VWA3A: variants seen among roughly 807,000 people sequenced by gnomAD.
VWA3A encodes the protein von Willebrand factor A domain containing 3A.
A neutral mutation model predicts 160.4 loss-of-function variants in VWA3A; 134 were observed. That is an observed-to-expected ratio of 0.84 (90% confidence interval 0.73 to 0.96). The LOEUF is 0.96. Ranked by LOEUF, VWA3A falls within the 40% of genes least tolerant of loss-of-function variation. The probability of loss-of-function intolerance (pLI) is 0.00; values close to 1 mark genes in which losing one functional copy is unlikely to be tolerated. For synonymous variants in VWA3A, 476 were observed against 543.4 expected, an observed-to-expected ratio of 0.88 and a Z score of 1.72; for missense variants, 1,310 against 1,447.9, an observed-to-expected ratio of 0.90 and a Z score of 1.55.
intron 27 of VWA3A, chr16:22,147,696 T>C: frequency 1.4e-6 from 1 of 701,602 alleles, no homozygotes; most frequent in Non-Finnish European, 2.6e-6. Flanking sequence ...TGAGCCTCTC[T>C]CCACCCTCGG....
At chr16:22,120,340 A>G (rs2045711045) in intron 12 of VWA3A, among the ~76,000 whole-genome samples, 1 of 152,218 alleles carries the variant, frequency 6.6e-6, no homozygotes, top group Admixed American at 6.5e-5. Flanking sequence ...GTATCTATTT[A>G]AAACTAGCTC....
At position 22,149,883 on chromosome 16, in the gene VWA3A, G is replaced by C; in HGVS notation, c.3081G>C (p.Val1027=). ...DAACHEAMQW[V]THLQAQGSTS... is the part of the protein sequence containing the mutation. Reference sequence around the variant, plus strand: ...CGTGTCATGAGGCTATGCAATGGGTGACCCACCTGCAAGCTCAGGGCAGCA... The same window carrying C: ...CGTGTCATGAGGCTATGCAATGGGTCACCCACCTGCAAGCTCAGGGCAGCA... The change falls in exon 29 of 34, where the codon GTG becomes GTC. Residue 1027 remains valine, a synonymous_variant. Transcript: ENST00000389398. 1 of 1,612,392 alleles carries C rather than the reference G, an allele frequency of 6.2e-7. No homozygotes were observed. The highest frequency in any genetic ancestry group is 8.5e-7 in the Non-Finnish European group (1 of 1,179,040).
chr16:22,104,006 C>T (rs1298755331), intron 6 of VWA3A, among the ~76,000 whole-genome samples: 2 of 152,034 alleles, frequency 1.3e-5, no homozygotes, highest in South Asian at 2.1e-4. Context: ...ACTGGATTAG[C>T]CCCCCAGCCC....
At position 22,156,162 on chromosome 16, in the gene VWA3A, A is replaced by G; in HGVS notation, c.*145A>G. On this transcript the variant is annotated 3_prime_UTR_variant, in exon 34 of 34. Coordinates refer to ENST00000389398, the MANE Select transcript of VWA3A (RefSeq NM_173615.5). ...CTCTCTGGAAGCTGAGGAAGGAAAG[A>G]CTTTGTCTTTTGTGTGAGGGGCCAT... 1.9e-6 allele frequency: 1 copy of G among 530,698 alleles called. No individual in the cohort carries two copies. Among genetic ancestry groups the G allele is most frequent in the Non-Finnish European group, 3.3e-6 (1 of 299,974 alleles). The allele number at this position is 530,698 out of a possible 1,614,324, so 32.9% of individuals were successfully genotyped here. A position where few individuals can be genotyped will look rare whatever the true frequency, so the allele number is the denominator to read the frequency against.
At chr16:22,149,441 C>T (rs2142021705) in intron 28 of VWA3A, among the ~76,000 whole-genome samples, 1 of 152,206 alleles carries the variant, frequency 6.6e-6, no homozygotes. Context: ...ATGGGGGTCT[C>T]ACTATGTTGC....
intron 12 of VWA3A, among the ~76,000 whole-genome samples, 173 bp downstream of exon 12, chr16:22,119,200 G>T (rs879464493): frequency 6.6e-6 from 1 of 152,024 alleles, no homozygotes; most frequent in South Asian, 2.1e-4. Flanking sequence ...AGTTGGGTGG[G>T]CTGGGTGGGC....
chr16:22,102,779 G>A (rs2045425329), intron 5 of VWA3A, among the ~76,000 whole-genome samples: 1 of 152,126 alleles, frequency 6.6e-6, no homozygotes, highest in South Asian at 2.1e-4. Flanking sequence ...GTGCAAGGGT[G>A]GTCTTCCAAC....
At chr16:22,128,788 A>T (rs1323682789) in intron 17 of VWA3A, among the ~76,000 whole-genome samples, 1 of 152,200 alleles carries the variant, frequency 6.6e-6, no homozygotes, top group Non-Finnish European at 1.5e-5. Flanking sequence ...AGGAACATGG[A>T]TGGAGCTGGA....
At chr16:22,131,179 G>T in intron 17 of VWA3A, 26 bp from the exon 18 acceptor site, 1 of 1,611,344 alleles carries the variant, frequency 6.2e-7, no homozygotes, top group South Asian at 1.1e-5. Context: ...CCCAGCCTAA[G>T]AACGAACTCT....
intron 21 of VWA3A, among the ~76,000 whole-genome samples, chr16:22,135,243 G>C (rs907076885): frequency 6.6e-6 from 1 of 151,960 alleles, no homozygotes; most frequent in African/African-American, 2.4e-5. Context: ...GCTAAAGTTC[G>C]GTCAAGGAGG....
chr16:22,131,788 A>G (rs1173323766), intron 19 of VWA3A, 59 bp downstream of exon 19: 14 of 1,549,946 alleles, frequency 9.0e-6, no homozygotes, highest in South Asian at 3.8e-5. Flanking sequence ...GTCTTCCCCC[A>G]GGTGGATACC....
intron 7 of VWA3A, 45 bp from the exon 8 acceptor site, chr16:22,110,843 G>C: frequency 6.5e-7 from 1 of 1,543,234 alleles, no homozygotes; most frequent in Non-Finnish European, 8.8e-7. Flanking sequence ...CCAGGCTCCC[G>C]ATTCCCCTGG....
rs751509248 is a variant in VWA3A at position 22,123,697 on chromosome 16, T to A, written c.1522T>A (p.Cys508Ser). 8.7e-6 allele frequency: 14 copies of A among 1,612,780 alleles called. No homozygotes were observed. The highest frequency in any genetic ancestry group is 3.3e-4 in the Middle Eastern group (2 of 6,046). ...CAGCAGAAGAATCTGGGGCACAGTC[T>A]GTGAAAAAAGGTACCTTTCTTAAGC... ...LASRRIWGTV[C>S]EKRVVVLLDI... Residue 508 changes from cysteine to serine, a missense_variant, in exon 16 of 34, where the codon TGT (cysteine) becomes AGT (serine). Transcript: ENST00000389398.
Position 22,140,169 on chromosome 16 carries a change from C to T in VWA3A, c.2308C>T (p.Pro770Ser), listed in dbSNP as rs1331233267. Residue 770 changes from proline (P) to serine (S), a missense_variant, in exon 23 of 34, where the codon CCT becomes TCT. Transcript: ENST00000389398. ...TGTTTTCTAGAGCATTAAAGATGAC[C>T]CTGACAGAGAGAAGAGCCCCCCGCT... ...LGARMSIKDD[P>S]DREKSPPLKS... 18 of 1,613,364 alleles carry T rather than the reference C, an allele frequency of 1.1e-5. No homozygotes were observed. The highest frequency in any genetic ancestry group is 1.4e-5 in the Non-Finnish European group (17 of 1,179,702).
At chr16:22,148,776 A>G (rs2046300001) in intron 28 of VWA3A, among the ~76,000 whole-genome samples, 1 of 152,212 alleles carries the variant, frequency 6.6e-6, no homozygotes, top group Non-Finnish European at 1.5e-5. Context: ...GTCTCAAAAA[A>G]AAAAGGAACG....
chr16:22,138,336 C>T (rs143766531), intron 21 of VWA3A, 24 bp from the exon 22 acceptor site: 2 of 1,565,436 alleles, frequency 1.3e-6, no homozygotes, highest in Non-Finnish European at 8.7e-7. Flanking sequence ...GGGGGTGCCA[C>T]TGACCCTCCC....
chr16:22,122,985 C>A, intron 14 of VWA3A, 100 bp from the exon 15 acceptor site: 1 of 957,486 alleles, frequency 1.0e-6, no homozygotes, highest in Non-Finnish European at 1.6e-6. Flanking sequence ...GTTCAGAGTC[C>A]ACTTCACTCT....
At chr16:22,099,142 G>A (rs1384694466) in intron 3 of VWA3A, among the ~76,000 whole-genome samples, 1 of 151,968 alleles carries the variant, frequency 6.6e-6, no homozygotes, top group Non-Finnish European at 1.5e-5. Flanking sequence ...CAACCAGGGG[G>A]AGGGTTGAGT....
At chr16:22,117,680 AG>A (rs2045670074) in intron 11 of VWA3A, among the ~76,000 whole-genome samples, 1 of 152,226 alleles carries the variant, frequency 6.6e-6, no homozygotes, top group African/African-American at 2.4e-5. Context: ...TGTGTTCACA[AG>A]GGAGGCAACG....
Sources: gnomAD v4.1 joint callset for allele counts (sites outside exome capture counted in the v4.1 genomes callset) on GRCh38, gnomAD v4.1.1 for gene constraint, MANE v1.5 for transcripts, NCBI Gene and HGNC (gene_info 2026-07-23, HGNC 2026-07-21) for gene names.